The following GNB5 variants were observed in gnomAD, a reference collection of about 807,000 sequenced individuals.
The protein encoded by GNB5 is guanine nucleotide-binding protein subunit beta-5.
A neutral mutation model predicts 55.3 loss-of-function variants in GNB5; 37 were observed. The observed-to-expected ratio is 0.67, with a 90% CI of 0.51 to 0.88. The LOEUF is 0.88. Ranked by LOEUF, GNB5 falls within the 40% of genes least tolerant of loss-of-function variation. The pLI, the probability that GNB5 is intolerant of heterozygous loss-of-function variation, is 0.00. For missense variants in GNB5, 476 were observed against 515.3 expected (o/e 0.92, Z 0.74); for synonymous variants, 219 against 198.5 (o/e 1.10, Z -0.87).
At chr15:52,181,529 T>A (rs2034769203) in intron 2 of GNB5, among the ~76,000 whole-genome samples, 1 of 152,010 alleles carries the variant, frequency 6.6e-6, no homozygotes, top group African/African-American at 2.4e-5. Flanking sequence ...GGCACGAGAA[T>A]CGCTTGAACC....
chr15:52,117,240 T>C lies in GNB5; in HGVS notation c.*5517A>G, dbSNP rs529614546. ...CCACCGCGCCCAGTCACCTTTGTTT[T>C]TCTTTACCTCCTGGAATATGCACAC... is the stretch of plus-strand genomic sequence containing the variant. On this transcript the variant is annotated 3_prime_UTR_variant, in exon 13 of 13. Coordinates refer to ENST00000261837, the MANE Select transcript of GNB5 (RefSeq NM_016194.4). The C allele has an allele frequency of 6.6e-6, 1 of 151,842 alleles. No individual in the cohort carries two copies. Among genetic ancestry groups the C allele is most frequent in the South Asian group, 2.1e-4 (1 of 4,790 alleles). 9.4% of individuals were successfully genotyped at this position (151,842 alleles called of 1,614,324 possible).
intron 3 of GNB5, among the ~76,000 whole-genome samples, chr15:52,173,433 G>T (rs2034590426): frequency 1.3e-5 from 2 of 152,206 alleles, no homozygotes; most frequent in Admixed American, 1.3e-4. Context: ...TATGAACCGA[G>T]ACAGAATATA....
intron 3 of GNB5, among the ~76,000 whole-genome samples, chr15:52,159,972 G>A (rs1165512369): frequency 6.6e-6 from 1 of 151,204 alleles, no homozygotes; most frequent in Non-Finnish European, 1.5e-5. Flanking sequence ...TTTTGAGATG[G>A]AGTCTCACTC....
chr15:52,190,582 A>T (rs1258099813), intron 1 of GNB5, among the ~76,000 whole-genome samples: 1 of 152,158 alleles, frequency 6.6e-6, no homozygotes, highest in Non-Finnish European at 1.5e-5. Flanking sequence ...CAGAAAACCT[A>T]AAAAGCCTGA....
At chr15:52,136,892 T>C (rs1045273355) in intron 7 of GNB5, 6 of 429,878 alleles carry the variant, frequency 1.4e-5, no homozygotes, top group South Asian at 3.4e-5. Flanking sequence ...TTAAACCATA[T>C]TGAGACCAAG....
Position 52,133,274 on chromosome 15 carries a change from C to T in GNB5, c.863+104G>A. The T allele has an allele frequency of 8.1e-6, 6 of 744,664 alleles. No homozygotes were observed. In the South Asian group the frequency reaches 1.0e-4, roughly 13 times the overall value. The allele number at this position is 744,664 out of a possible 1,614,324, so 46.1% of individuals were successfully genotyped here. A position where few individuals can be genotyped will look rare whatever the true frequency, so the allele number is the denominator to read the frequency against. On this transcript the variant is annotated intron_variant, in intron 9 of 12. Coordinates refer to ENST00000261837, the MANE Select transcript of GNB5 (RefSeq NM_016194.4). ...CCTTTCTTCCCGGGGAGGCCTCTCT[C>T]AGCCAAGTAAACTGAGTCTGGAGGC...
chr15:52,138,876 C>G (rs1231133087), intron 7 of GNB5: 1 of 152,108 alleles, frequency 6.6e-6, no homozygotes, highest in East Asian at 1.9e-4. Context: ...TTTTGTGTTT[C>G]TGATCTTCAT....
chr15:52,160,978 T>C (rs2141222322), intron 3 of GNB5, among the ~76,000 whole-genome samples: 2 of 152,358 alleles, frequency 1.3e-5, no homozygotes, highest in South Asian at 2.1e-4. Flanking sequence ...AGGGAAAGCA[T>C]ATTTTTTAAG....
chr15:52,131,357 C>T (rs1052294677), intron 9 of GNB5, among the ~76,000 whole-genome samples: 7 of 152,106 alleles, frequency 4.6e-5, no homozygotes, highest in East Asian at 1.9e-4. Context: ...TTAAAGTACA[C>T]GGGAGAATGT....
intron 8 of GNB5, 71 bp downstream of exon 8, chr15:52,135,542 G>T: frequency 7.4e-7 from 1 of 1,346,786 alleles, no homozygotes; most frequent in Non-Finnish European, 1.1e-6. Flanking sequence ...TCCCATGAAT[G>T]GACAAGAACT....
intron 3 of GNB5, among the ~76,000 whole-genome samples, chr15:52,166,872 CA>C (rs561653464): frequency 6.6e-6 from 1 of 151,794 alleles, no homozygotes; most frequent in Non-Finnish European, 1.5e-5. Context: ...AAAAACCCTT[CA>C]AAAAAATCAA....
intron 3 of GNB5, among the ~76,000 whole-genome samples, chr15:52,154,646 GC>G (rs1339037404): frequency 6.6e-6 from 1 of 152,186 alleles, no homozygotes; most frequent in Non-Finnish European, 1.5e-5. Context: ...TCTAGAGCTT[GC>G]CGTGTCTAGC....
intron 5 of GNB5, among the ~76,000 whole-genome samples, chr15:52,148,182 T>G (rs1416876909): frequency 6.6e-6 from 1 of 152,206 alleles, no homozygotes; most frequent in Non-Finnish European, 1.5e-5. Flanking sequence ...GATATATACT[T>G]TTCCTTATTT....
chr15:52,140,995 T>G, intron 7 of GNB5, 145 bp downstream of exon 7: 12 of 622,848 alleles, frequency 1.9e-5, no homozygotes, highest in South Asian at 4.3e-5. Context: ...TAATAACTAA[T>G]GAGAAACAAT....
At chr15:52,152,141 A>G (rs1465495580) in intron 4 of GNB5, among the ~76,000 whole-genome samples, 1 of 151,526 alleles carries the variant, frequency 6.6e-6, no homozygotes, top group Non-Finnish European at 1.5e-5. Context: ...GGAGAGTAAT[A>G]ACATTTGTCC....
intron 3 of GNB5, among the ~76,000 whole-genome samples, chr15:52,164,306 C>CT (rs1253080876): frequency 3.3e-4 from 12 of 36,880 alleles, no homozygotes; most frequent in African/African-American, 1.6e-3. Context: ...AAGACTCTGT[C>CT]TTAAAAAAAA....
chr15:52,179,720 T>G, intron 3 of GNB5, 48 bp downstream of exon 3: 3 of 1,096,614 alleles, frequency 2.7e-6, no homozygotes, highest in African/African-American at 1.7e-5. Flanking sequence ...GCCCGGGAAG[T>G]GGCGAGCCGG....
At chr15:52,180,967 A>T (rs2034759238) in intron 2 of GNB5, 1 of 152,246 alleles carries the variant, frequency 6.6e-6, no homozygotes. Flanking sequence ...CTGGCTCCCT[A>T]GTGCTCTGGA....
Position 52,188,898 on chromosome 15 carries a change from C to T in GNB5, c.-19+2424G>A, listed in dbSNP as rs139368275. The stretch of plus-strand genomic sequence containing the variant: ...TTAGTTTGTTGTTTATTCTTCCAGA[C>T]TTTTCTGGCACAAACACATAGATAC... On this transcript the variant is annotated intron_variant, in intron 1 of 12. Transcript: ENST00000261837. Among the ~76,000 whole-genome samples the T allele has an allele frequency of 1.9e-3, 291 of 152,346 alleles. 1 individual carries two copies. Among genetic ancestry groups the T allele is most frequent in the African/African-American group, 6.7e-3 (279 of 41,574 alleles).
Sources: allele counts gnomAD v4.1 joint callset (sites outside exome capture counted in the v4.1 genomes callset), GRCh38; gene constraint gnomAD v4.1.1; transcripts MANE v1.5; gene names NCBI Gene and HGNC (gene_info 2026-07-23, HGNC 2026-07-21).